The following STX8 variants were observed in gnomAD, a reference collection of about 807,000 sequenced individuals.
STX8 encodes syntaxin 8.
Under a neutral mutation model 37.5 loss-of-function variants are expected in STX8, and 23 were observed. That is an observed-to-expected ratio of 0.61 (90% CI 0.44 to 0.87). STX8 has a LOEUF of 0.87. Among genes scored for constraint, STX8 ranks in the 40% least tolerant of loss-of-function variants. STX8 has a pLI of 0.00. For synonymous variants in STX8, 115 were observed against 99.1 expected, an observed-to-expected ratio of 1.16 and a Z score of -0.95; for missense variants, 313 against 284.7, an observed-to-expected ratio of 1.10 and a Z score of -0.71.
intron 4 of STX8, among the ~76,000 whole-genome samples, chr17:9,535,989 GAT>G (rs1906034579): frequency 1.3e-5 from 2 of 152,196 alleles, no homozygotes; most frequent in Non-Finnish European, 2.9e-5. Context: ...TGCTATGTAT[GAT>G]ATGTTACCAT....
chr17:9,357,948 C>T (rs1027940496), intron 7 of STX8, among the ~76,000 whole-genome samples: 6 of 152,142 alleles, frequency 3.9e-5, no homozygotes, highest in African/African-American at 9.7e-5. Flanking sequence ...ACAGCCCTCT[C>T]TGTAAAGTTT....
At chr17:9,445,821 C>T (rs12938845) in intron 6 of STX8, among the ~76,000 whole-genome samples, 100,180 of 148,980 alleles carry the variant, frequency 0.67, 33,927 homozygotes, top group East Asian at 0.77. Context: ...AAAGAATATA[C>T]ATTTTTTTCT....
At chr17:9,295,339 A>C (rs1233316774) in intron 7 of STX8, among the ~76,000 whole-genome samples, 1 of 152,228 alleles carries the variant, frequency 6.6e-6, no homozygotes, top group African/African-American at 2.4e-5. Flanking sequence ...CCCTTGAAAG[A>C]AGAGACCACC....
At chr17:9,304,173 A>C (rs1004606211) in intron 7 of STX8, among the ~76,000 whole-genome samples, 1 of 152,192 alleles carries the variant, frequency 6.6e-6, no homozygotes, top group African/African-American at 2.4e-5. Flanking sequence ...ACAAATGGTC[A>C]TTAAAATATA....
At chr17:9,386,002 A>G (rs1251803149) in intron 6 of STX8, among the ~76,000 whole-genome samples, 3 of 151,922 alleles carry the variant, frequency 2.0e-5, no homozygotes, top group Non-Finnish European at 4.4e-5. Flanking sequence ...TTGAACTCCT[A>G]ACCTCAGGTG....
At chr17:9,373,116 AAAAAG>A (rs1346864201) in intron 7 of STX8, among the ~76,000 whole-genome samples, 19 of 151,336 alleles carry the variant, frequency 1.3e-4, no homozygotes, top group Non-Finnish European at 2.5e-4. Flanking sequence ...TCAAAAAAAA[AAAAAG>A]AAAAGAAAAG....
intron 7 of STX8, among the ~76,000 whole-genome samples, chr17:9,319,901 G>C (rs545264696): frequency 3.3e-4 from 50 of 152,000 alleles, no homozygotes; most frequent in African/African-American, 1.2e-3. Context: ...CAGGAGCTGA[G>C]ATCTTGCCAT....
In STX8 at chr17:9,491,823, T is replaced by C. The variant is rs1906863980; in HGVS notation, c.541+6A>G. ...CAAATCTGGTCAATCCCAGACTTAT[T>C]CTTACCATTTTGTTCATCCAATTCA... On this transcript the variant is annotated splice_donor_region_variant and intron_variant, in intron 6 of 7. Coordinates refer to ENST00000306357, the MANE Select transcript of STX8 (RefSeq NM_004853.3). 1.2e-6 allele frequency: 2 copies of C among 1,611,670 alleles called. No homozygotes were observed. The highest frequency in any genetic ancestry group is 1.7e-6 in the Non-Finnish European group (2 of 1,178,956).
At chr17:9,564,099 T>C (rs893758461) in intron 2 of STX8, among the ~76,000 whole-genome samples, 1 of 152,054 alleles carries the variant, frequency 6.6e-6, no homozygotes, top group Non-Finnish European at 1.5e-5. Context: ...CTCAAAATAA[T>C]AAGAGCCATC....
chr17:9,450,960 T>TG (rs371784388), intron 6 of STX8, among the ~76,000 whole-genome samples: 79 of 152,238 alleles, frequency 5.2e-4, no homozygotes, highest in African/African-American at 1.8e-3. Context: ...TTGCCAAGCA[T>TG]GGACTGTGTT....
chr17:9,333,721 C>T (rs1426506095), intron 7 of STX8, among the ~76,000 whole-genome samples: 1 of 152,098 alleles, frequency 6.6e-6, no homozygotes, highest in Non-Finnish European at 1.5e-5. Flanking sequence ...TTGCTTCAAG[C>T]AGGAGGTCAT....
intron 4 of STX8, among the ~76,000 whole-genome samples, chr17:9,517,010 C>G (rs1302559010): frequency 6.6e-6 from 1 of 152,132 alleles, no homozygotes; most frequent in Non-Finnish European, 1.5e-5. Flanking sequence ...TGGGAGAAAG[C>G]AGATATTCTT....
intron 6 of STX8, among the ~76,000 whole-genome samples, chr17:9,445,524 T>TGGGGGA (rs1904813897): frequency 3.5e-4 from 9 of 25,652 alleles, no homozygotes; most frequent in Admixed American, 4.1e-4. Flanking sequence ...GGTTGGGGGG[T>TGGGGGA]GGGGGTGAGG....
intron 6 of STX8, among the ~76,000 whole-genome samples, chr17:9,406,234 C>T (rs1174003800): frequency 6.6e-6 from 1 of 152,136 alleles, no homozygotes; most frequent in Non-Finnish European, 1.5e-5. Flanking sequence ...GGGAGCATTT[C>T]CAGGGTGAAT....
chr17:9,551,075 C>T (rs545189747), intron 3 of STX8, among the ~76,000 whole-genome samples: 7 of 151,308 alleles, frequency 4.6e-5, no homozygotes, highest in Non-Finnish European at 7.4e-5. Flanking sequence ...AACTCCGTCT[C>T]AAAAAAAAAT....
intron 7 of STX8, among the ~76,000 whole-genome samples, chr17:9,256,300 A>G (rs1486546754): frequency 6.6e-6 from 1 of 152,184 alleles, no homozygotes; most frequent in African/African-American, 2.4e-5. Context: ...GATTCGAGAC[A>G]GTGTGGGGGT....
chr17:9,536,516 G>A (rs1597729393), intron 4 of STX8, among the ~76,000 whole-genome samples: 2 of 152,194 alleles, frequency 1.3e-5, no homozygotes, highest in South Asian at 4.2e-4. Flanking sequence ...GCTAAACCCA[G>A]GCACCCCCTT....
chr17:9,327,071 C>T (rs554540918), intron 7 of STX8, among the ~76,000 whole-genome samples: 24 of 151,430 alleles, frequency 1.6e-4, no homozygotes, highest in Non-Finnish European at 3.1e-4. Context: ...GCAGGAGAAT[C>T]GCTTGAACCT....
At chr17:9,518,188 C>A (rs1657663451) in intron 4 of STX8, among the ~76,000 whole-genome samples, 1 of 152,156 alleles carries the variant, frequency 6.6e-6, no homozygotes, top group African/African-American at 2.4e-5. Context: ...AACTCCACTT[C>A]CTGACCCCCG....
Sources: allele counts gnomAD v4.1 joint callset (sites outside exome capture counted in the v4.1 genomes callset), GRCh38; gene constraint gnomAD v4.1.1; transcripts MANE v1.5; gene names NCBI Gene and HGNC (gene_info 2026-07-23, HGNC 2026-07-21).